Variants in PDE11A observed in about 807,000 individuals in gnomAD.
PDE11A encodes the protein dual 3',5'-cyclic-AMP and -GMP phosphodiesterase 11A.
PDE11A carries 100 observed loss-of-function variants against 100.5 expected under a neutral mutation model. That is an observed-to-expected ratio of 1.00 (90% confidence interval 0.85 to 1.18). The LOEUF (loss-of-function observed/expected upper bound fraction) is 1.18, where lower values mean the gene tolerates loss of function less well. Ranked by LOEUF, PDE11A falls within the 50% of genes most tolerant of loss-of-function variation. The pLI is 0.00. For missense variants in PDE11A, 1,141 were observed against 1,152.6 expected, an observed-to-expected ratio of 0.99 and a Z score of 0.15; for synonymous variants, 381 against 420.8, an observed-to-expected ratio of 0.91 and a Z score of 1.16.
In PDE11A at chr2:177,829,103, G is replaced by C. The variant is rs145252747; in HGVS notation, c.1501-8808C>G. 1.2e-3 allele frequency among the ~76,000 whole-genome samples: 183 copies of C among 152,168 alleles called. 1 individual carries two copies. The highest frequency in any genetic ancestry group is 4.2e-3 in the African/African-American group (173 of 41,508). ...GAATTCATGTTCAACATCAGAGAAA[G>C]GGAGAATCATGCCTATACTTTTTTT... On this transcript the variant is annotated intron_variant, in intron 6 of 19. Coordinates refer to ENST00000286063, the MANE Select transcript of PDE11A (RefSeq NM_016953.4).
At chr2:177,759,706 T>G (rs375833957) in intron 10 of PDE11A, among the ~76,000 whole-genome samples, 143 of 152,328 alleles carry the variant, frequency 9.4e-4, no homozygotes, top group African/African-American at 3.1e-3. Flanking sequence ...AATGATGCAA[T>G]GTCTCCATAA....
At chr2:178,075,809 A>G (rs1399611556), upstream of PDE11A, among the ~76,000 whole-genome samples, 3 of 152,178 alleles carry the variant, frequency 2.0e-5, no homozygotes, top group Non-Finnish European at 4.4e-5. Context: ...GGAAACTTGA[A>G]GAGGTCCCCT....
At chr2:177,994,286 G>A (rs75561239) in intron 2 of PDE11A, among the ~76,000 whole-genome samples, 2,247 of 152,140 alleles carry the variant, frequency 0.015, 47 homozygotes, top group East Asian at 0.093. Context: ...CAGCTTCTAA[G>A]AGAGTAAACA....
intron 10 of PDE11A, among the ~76,000 whole-genome samples, chr2:177,745,119 A>T (rs1251173682): frequency 6.6e-6 from 1 of 152,188 alleles, no homozygotes; most frequent in Non-Finnish European, 1.5e-5. Flanking sequence ...GTAATAAAGG[A>T]TATTCATTCC....
intron 10 of PDE11A, among the ~76,000 whole-genome samples, chr2:177,741,893 A>G (rs1343141444): frequency 6.6e-6 from 1 of 152,172 alleles, no homozygotes; most frequent in African/African-American, 2.4e-5. Flanking sequence ...TTAGCCGGGC[A>G]CAGTGGTGCA....
intron 1 of PDE11A, among the ~76,000 whole-genome samples, chr2:178,054,589 A>C (rs1200524899): frequency 1.3e-5 from 2 of 152,198 alleles, no homozygotes; most frequent in Non-Finnish European, 2.9e-5. Flanking sequence ...AAATTTTTAC[A>C]ATCTACCCAT....
chr2:178,073,931 G>T (rs2087171024), upstream of PDE11A, among the ~76,000 whole-genome samples: 1 of 150,948 alleles, frequency 6.6e-6, no homozygotes. Flanking sequence ...TTAATGGACT[G>T]CTAATTGTTA....
At chr2:177,836,349 C>A (rs2083397744) in intron 6 of PDE11A, among the ~76,000 whole-genome samples, 1 of 152,196 alleles carries the variant, frequency 6.6e-6, no homozygotes, top group Non-Finnish European at 1.5e-5. Context: ...TTTGTAAACA[C>A]ACCAATCAGC....
intron 9 of PDE11A, among the ~76,000 whole-genome samples, chr2:177,790,454 A>T (rs1448225702): frequency 6.6e-6 from 1 of 151,850 alleles, no homozygotes; most frequent in Non-Finnish European, 1.5e-5. Flanking sequence ...AAACCTAGGC[A>T]TTACCATTCA....
At chr2:178,042,795 A>G (rs1304355866) in intron 1 of PDE11A, among the ~76,000 whole-genome samples, 1 of 145,170 alleles carries the variant, frequency 6.9e-6, no homozygotes, top group African/African-American at 2.4e-5. Context: ...TTATAACTAT[A>G]TTACACAGAA....
At chr2:177,747,451 A>G (rs57861845) in intron 10 of PDE11A, among the ~76,000 whole-genome samples, 32 of 152,274 alleles carry the variant, frequency 2.1e-4, no homozygotes, top group Non-Finnish European at 4.3e-4. Flanking sequence ...TCACCTCTAC[A>G]TAGAATGGGT....
At chr2:178,027,763 A>G (rs1165009772) in intron 1 of PDE11A, among the ~76,000 whole-genome samples, 2 of 152,218 alleles carry the variant, frequency 1.3e-5, no homozygotes, top group Admixed American at 6.5e-5. Context: ...TCAAGATACT[A>G]TAATTGGGCA....
At chr2:177,945,547 C>T (rs1276812235) in intron 2 of PDE11A, among the ~76,000 whole-genome samples, 26 of 150,492 alleles carry the variant, frequency 1.7e-4, no homozygotes, top group African/African-American at 4.9e-4. Context: ...TCTGCCCAGC[C>T]GCCCCGTCTG....
At chr2:177,663,682 C>T (rs991585716) in intron 19 of PDE11A, among the ~76,000 whole-genome samples, 184 bp downstream of exon 19, 1 of 152,116 alleles carries the variant, frequency 6.6e-6, no homozygotes, top group African/African-American at 2.4e-5. Flanking sequence ...AGGTCTGCAG[C>T]CTCCTAGAAC....
intron 2 of PDE11A, among the ~76,000 whole-genome samples, chr2:177,946,935 G>A (rs1418260822): frequency 6.2e-4 from 55 of 89,210 alleles, no homozygotes; most frequent in Non-Finnish European, 7.2e-4. Flanking sequence ...CCCTCTGCCC[G>A]GCCAGCCGCC....
chr2:177,820,646 A>G (rs532667003), intron 6 of PDE11A, among the ~76,000 whole-genome samples: 2 of 151,998 alleles, frequency 1.3e-5, no homozygotes, highest in Admixed American at 1.3e-4. Flanking sequence ...TATTTAAAGC[A>G]TTTTAATTAA....
chr2:178,018,601 T>G, intron 1 of PDE11A: 5 of 316,498 alleles, frequency 1.6e-5, no homozygotes, highest in South Asian at 9.0e-5. Context: ...ACAAAACTCT[T>G]TGGTGCAATC....
chr2:177,748,737 C>A (rs75934671), intron 10 of PDE11A, among the ~76,000 whole-genome samples: 70 of 152,112 alleles, frequency 4.6e-4, no homozygotes, highest in Non-Finnish European at 8.8e-4. Context: ...ATGTTGATTT[C>A]AAAAGCTGCA....
At chr2:177,869,786 C>T (rs1462898876) in intron 5 of PDE11A, among the ~76,000 whole-genome samples, 1 of 152,186 alleles carries the variant, frequency 6.6e-6, no homozygotes, top group Non-Finnish European at 1.5e-5. Flanking sequence ...CATGACATCA[C>T]ATTGAAATGC....
Sources: gnomAD v4.1 joint callset for allele counts (sites outside exome capture counted in the v4.1 genomes callset) on GRCh38, gnomAD v4.1.1 for gene constraint, MANE v1.5 for transcripts, NCBI Gene and HGNC (gene_info 2026-07-23, HGNC 2026-07-21) for gene names.